The following PCSK6 variants were observed in gnomAD, a reference collection of about 807,000 sequenced individuals.
PCSK6 encodes the protein proprotein convertase subtilisin/kexin type 6.
In PCSK6, 85 loss-of-function variants were observed where a neutral mutation model predicts 123.3. The observed-to-expected ratio is 0.69, with a 90% CI of 0.58 to 0.83. PCSK6 has a LOEUF of 0.83. PCSK6 is among the 40% of genes least tolerant of loss of function. The pLI is 0.00. For synonymous variants in PCSK6, 508 were observed against 516.0 expected, an observed-to-expected ratio of 0.98 and a Z score of 0.21; for missense variants, 1,191 against 1,282.3, an observed-to-expected ratio of 0.93 and a Z score of 1.09.
intron 1 of PCSK6, among the ~76,000 whole-genome samples, chr15:101,461,197 G>C (rs1247943138): frequency 2.6e-5 from 4 of 152,134 alleles, no homozygotes; most frequent in Non-Finnish European, 5.9e-5. Flanking sequence ...CGCAGATCAA[G>C]CAGAGGTTTA....
Position 101,312,692 on chromosome 15 carries a change from A to T in PCSK6, c.2699+684T>A, listed in dbSNP as rs190541584. 1.7e-3 allele frequency among the ~76,000 whole-genome samples: 259 copies of T among 152,066 alleles called. 1 individual carries two copies. The highest frequency in any genetic ancestry group is 6.0e-3 in the African/African-American group (248 of 41,476). ...TTAAAAATACAAACAATTAGTGGGG[A>T]GTGGTGGCGGGTGCCTGTAGTCCCA... On this transcript the variant is annotated intron_variant, in intron 20 of 21. Transcript: ENST00000611716.
chr15:101,313,075 C>T (rs1375238473), intron 20 of PCSK6: 23 of 1,312,704 alleles, frequency 1.8e-5, no homozygotes, highest in Admixed American at 6.4e-5. Flanking sequence ...GCATGCTGAG[C>T]GCGACATGGG....
chr15:101,435,527 G>A (rs955499197), intron 2 of PCSK6, among the ~76,000 whole-genome samples: 1 of 152,222 alleles, frequency 6.6e-6, no homozygotes, highest in African/African-American at 2.4e-5. Context: ...ATACTTTGAA[G>A]ATAGAACTTC....
At chr15:101,488,554 G>A (rs1218030532) in intron 1 of PCSK6, among the ~76,000 whole-genome samples, 1 of 152,142 alleles carries the variant, frequency 6.6e-6, no homozygotes, top group Non-Finnish European at 1.5e-5. Context: ...AGGCTCTGTG[G>A]CAACGCAGCA....
intron 16 of PCSK6, among the ~76,000 whole-genome samples, chr15:101,325,267 T>C (rs7182874): frequency 0.71 from 108,615 of 152,102 alleles, 38,990 homozygotes; most frequent in East Asian, 0.82. Context: ...AAGCTGGCCC[T>C]GCTGGAAGGT....
chr15:101,373,350 G>C (rs933561776), intron 11 of PCSK6, among the ~76,000 whole-genome samples: 2 of 152,196 alleles, frequency 1.3e-5, no homozygotes, highest in African/African-American at 4.8e-5. Flanking sequence ...AAGGCTAACT[G>C]TAACAATTAG....
At chr15:101,462,924 A>G (rs972500574) in intron 1 of PCSK6, 14 of 439,018 alleles carry the variant, frequency 3.2e-5, no homozygotes, top group East Asian at 7.1e-5. Flanking sequence ...CTGTGGAGAA[A>G]GGTCACCAGC....
At chr15:101,322,969 G>C (rs1406367659) in intron 17 of PCSK6, among the ~76,000 whole-genome samples, 2 of 152,228 alleles carry the variant, frequency 1.3e-5, no homozygotes, top group East Asian at 3.8e-4. Context: ...GAGAGCCTGA[G>C]GCTGCCGCTT....
At chr15:101,345,550 A>G (rs994021985) in intron 13 of PCSK6, among the ~76,000 whole-genome samples, 2 of 152,400 alleles carry the variant, frequency 1.3e-5, no homozygotes, top group Admixed American at 1.3e-4. Flanking sequence ...AAAAATTTAT[A>G]TGAATTACGA....
At chr15:101,391,775 C>G (rs1254874499) in intron 8 of PCSK6, among the ~76,000 whole-genome samples, 1 of 142,936 alleles carries the variant, frequency 7.0e-6, no homozygotes, top group African/African-American at 2.7e-5. Context: ...AGAACAAAAG[C>G]TGGACTCTAG....
intron 1 of PCSK6, among the ~76,000 whole-genome samples, chr15:101,489,036 C>T (rs1053890461): frequency 1.3e-4 from 20 of 149,832 alleles, no homozygotes; most frequent in Admixed American, 3.3e-4. Context: ...CCCCGGAGCC[C>T]GGCAGGTGTC....
chr15:101,393,576 T>C (rs2042301043), intron 7 of PCSK6, among the ~76,000 whole-genome samples, 152 bp from the exon 8 acceptor site: 1 of 152,180 alleles, frequency 6.6e-6, no homozygotes, highest in Non-Finnish European at 1.5e-5. Flanking sequence ...GAGCATGGTT[T>C]TGGGGGCTCT....
At chr15:101,415,377 C>A (rs1333496395) in intron 6 of PCSK6, among the ~76,000 whole-genome samples, 1 of 152,212 alleles carries the variant, frequency 6.6e-6, no homozygotes, top group Non-Finnish European at 1.5e-5. Flanking sequence ...CCGACTGTTG[C>A]CATTAAGGAA....
intron 1 of PCSK6, among the ~76,000 whole-genome samples, chr15:101,481,330 G>A (rs1016025156): frequency 8.1e-6 from 1 of 122,954 alleles, no homozygotes; most frequent in African/African-American, 2.9e-5. Context: ...GGTGACGGGT[G>A]GGAAGGCTGA....
chr15:101,394,145 T>G (rs2042327307), intron 7 of PCSK6, among the ~76,000 whole-genome samples: 2 of 21,706 alleles, frequency 9.2e-5, no homozygotes, highest in South Asian at 6.5e-4. Context: ...TTGTTTTTTG[T>G]TTTTTTTTTT....
chr15:101,452,574 G>C (rs1432085877), intron 1 of PCSK6, among the ~76,000 whole-genome samples: 1 of 152,166 alleles, frequency 6.6e-6, no homozygotes, highest in South Asian at 2.1e-4. Flanking sequence ...GATCCGGGGT[G>C]GCCCAGAACA....
intron 2 of PCSK6, among the ~76,000 whole-genome samples, chr15:101,438,825 G>A (rs1033767772): frequency 2.0e-5 from 3 of 152,218 alleles, no homozygotes; most frequent in African/African-American, 4.8e-5. Flanking sequence ...ACTGCTAGAA[G>A]AGCAGGCCAA....
intron 10 of PCSK6, among the ~76,000 whole-genome samples, chr15:101,383,100 T>C (rs530800101): frequency 1.4e-4 from 22 of 152,272 alleles, no homozygotes; most frequent in Non-Finnish European, 2.8e-4. Flanking sequence ...TATTTTTCAG[T>C]ATACCTGATA....
intron 9 of PCSK6, among the ~76,000 whole-genome samples, chr15:101,385,533 TGCATTGTATAATGGCA>T (rs1168692351): frequency 1.3e-5 from 2 of 152,240 alleles, no homozygotes; most frequent in Non-Finnish European, 2.9e-5. Flanking sequence ...GAGATATGGA[TGCATTGTATAATGGCA>T]GCACTTCTGG....
Sources: allele counts gnomAD v4.1 joint callset (sites outside exome capture counted in the v4.1 genomes callset), GRCh38; gene constraint gnomAD v4.1.1; transcripts MANE v1.5; gene names NCBI Gene and HGNC (gene_info 2026-07-23, HGNC 2026-07-21).